SLC24A2: variants seen among roughly 807,000 people sequenced by gnomAD.
The protein encoded by SLC24A2 is sodium/potassium/calcium exchanger 2.
Under a neutral mutation model 62.0 loss-of-function variants are expected in SLC24A2, and 36 were observed. The ratio of observed to expected loss-of-function variants is 0.58; its 90% CI spans 0.44 to 0.77. SLC24A2 has a LOEUF of 0.77. Among genes scored for constraint, SLC24A2 ranks in the 30% least tolerant of loss-of-function variants. The pLI is 0.00. For missense variants in SLC24A2, 846 were observed against 817.9 expected, an observed-to-expected ratio of 1.03 and a Z score of -0.42; for synonymous variants, 358 against 294.0, an observed-to-expected ratio of 1.22 and a Z score of -2.23.
the SLC24A2 span, among the ~76,000 whole-genome samples, chr9:20,096,997 T>A: frequency 6.6e-6 from 1 of 152,218 alleles, no homozygotes. Context: ...TCAAACTTAC[T>A]AAAGAAGTAA....
the SLC24A2 span, among the ~76,000 whole-genome samples, chr9:20,212,418 A>G: frequency 1.3e-5 from 2 of 151,828 alleles, no homozygotes; most frequent in Non-Finnish European, 2.9e-5. Context: ...TGGGAAGCCA[A>G]AGCGGACAGA....
the SLC24A2 span, among the ~76,000 whole-genome samples, chr9:20,108,375 G>T: frequency 2.6e-5 from 4 of 152,202 alleles, no homozygotes; most frequent in African/African-American, 9.6e-5. Flanking sequence ...TATAAATCAT[G>T]CTGCTATAAA....
chr9:20,077,700 A>T, the SLC24A2 span, among the ~76,000 whole-genome samples: 5 of 152,232 alleles, frequency 3.3e-5, no homozygotes, highest in African/African-American at 4.8e-5. Context: ...TTAAGAATTT[A>T]GAAGAAGAAA....
At chr9:19,825,785 G>C in the SLC24A2 span, among the ~76,000 whole-genome samples, 3 of 151,900 alleles carry the variant, frequency 2.0e-5, no homozygotes, top group Non-Finnish European at 4.4e-5. Flanking sequence ...TAATTATTTT[G>C]CTTGTAGGGA....
the SLC24A2 span, among the ~76,000 whole-genome samples, chr9:20,210,776 T>A: frequency 6.7e-6 from 1 of 150,174 alleles, no homozygotes; most frequent in African/African-American, 2.4e-5. Context: ...AGTGCTGGGA[T>A]TACAGGTGTG....
At chr9:20,196,754 T>C in the SLC24A2 span, among the ~76,000 whole-genome samples, 50 of 152,230 alleles carry the variant, frequency 3.3e-4, 1 homozygote, top group East Asian at 7.7e-3. Context: ...TTCCTAATTA[T>C]AAAAGTAAAG....
the SLC24A2 span, among the ~76,000 whole-genome samples, chr9:19,972,739 T>C: frequency 6.6e-6 from 1 of 152,232 alleles, no homozygotes; most frequent in African/African-American, 2.4e-5. Flanking sequence ...AAAAGTATTT[T>C]TCCTCAAATG....
chr9:20,263,985 C>T, the SLC24A2 span, among the ~76,000 whole-genome samples: 1 of 151,856 alleles, frequency 6.6e-6, no homozygotes, highest in Admixed American at 6.6e-5. Flanking sequence ...TGCTCTGCAC[C>T]TCTGAGCTGG....
At chr9:19,851,118 G>C in the SLC24A2 span, among the ~76,000 whole-genome samples, 1 of 144,672 alleles carries the variant, frequency 6.9e-6, no homozygotes, top group Non-Finnish European at 1.5e-5. Context: ...CTATCTCCTG[G>C]GTTCAAGTAA....
intron 2 of SLC24A2, among the ~76,000 whole-genome samples, chr9:19,734,294 T>C (rs985435677): frequency 2.6e-5 from 4 of 152,188 alleles, no homozygotes; most frequent in South Asian, 2.1e-4. Flanking sequence ...TGTAGCCTTG[T>C]AGTATAGTTT....
chr9:20,038,924 T>A, the SLC24A2 span, among the ~76,000 whole-genome samples: 1 of 152,276 alleles, frequency 6.6e-6, no homozygotes, highest in Non-Finnish European at 1.5e-5. Flanking sequence ...TTTCGTAAAA[T>A]TTTTTTAAAA....
chr9:20,150,223 T>C, the SLC24A2 span, among the ~76,000 whole-genome samples: 2 of 151,956 alleles, frequency 1.3e-5, no homozygotes, highest in Non-Finnish European at 2.9e-5. Flanking sequence ...TGTTCACAGG[T>C]TAGCCCAGCC....
the SLC24A2 span, among the ~76,000 whole-genome samples, chr9:19,882,431 T>A: frequency 6.6e-6 from 1 of 152,192 alleles, no homozygotes; most frequent in African/African-American, 2.4e-5. Flanking sequence ...TTACTATGGT[T>A]CTATGTCATC....
chr9:20,143,068 CAG>C, the SLC24A2 span, among the ~76,000 whole-genome samples: 1 of 152,198 alleles, frequency 6.6e-6, no homozygotes, highest in African/African-American at 2.4e-5. Flanking sequence ...AATGAAGTGA[CAG>C]AGTCTGCATT....
the SLC24A2 span, among the ~76,000 whole-genome samples, chr9:19,965,848 T>C: frequency 6.6e-6 from 1 of 152,204 alleles, no homozygotes; most frequent in African/African-American, 2.4e-5. Flanking sequence ...TTCCTCTGTG[T>C]AATCTTCTTG....
intron 2 of SLC24A2, among the ~76,000 whole-genome samples, chr9:19,647,054 ACACACACACGCGCG>A (rs150449943): frequency 0.19 from 11,550 of 60,126 alleles, 501 homozygotes; most frequent in East Asian, 0.35. Flanking sequence ...CTTTCCACAC[ACACACACACGCGCG>A]CACACACACA....
the SLC24A2 span, among the ~76,000 whole-genome samples, chr9:20,039,766 A>C: frequency 6.6e-6 from 1 of 152,182 alleles, no homozygotes; most frequent in Non-Finnish European, 1.5e-5. Context: ...AAACAAGGAT[A>C]AAAAGTCTCT....
At chr9:19,623,421 G>C (rs1817957782) in intron 2 of SLC24A2, among the ~76,000 whole-genome samples, 1 of 152,168 alleles carries the variant, frequency 6.6e-6, no homozygotes, top group Admixed American at 6.5e-5. Flanking sequence ...TAGGCTTTCT[G>C]TTTTAGGGTC....
the SLC24A2 span, among the ~76,000 whole-genome samples, chr9:20,187,936 G>C: frequency 6.6e-6 from 1 of 152,212 alleles, no homozygotes; most frequent in Non-Finnish European, 1.5e-5. Context: ...AATGTGGAAA[G>C]TCTGCTTTAA....
Sources: allele counts gnomAD v4.1 joint callset (sites outside exome capture counted in the v4.1 genomes callset), GRCh38; gene constraint gnomAD v4.1.1; transcripts MANE v1.5; gene names NCBI Gene and HGNC (gene_info 2026-07-23, HGNC 2026-07-21).